RPS9: variants seen among roughly 807,000 people sequenced by gnomAD.
RPS9 encodes the protein small ribosomal subunit protein uS4.
In RPS9, 1 loss-of-function variant was observed where a neutral mutation model predicts 16.9. The ratio of observed to expected loss-of-function variants is 0.06; its 90% CI spans 0.02 to 0.28. The LOEUF (loss-of-function observed/expected upper bound fraction) is 0.28. RPS9 is among the 10% of genes least tolerant of loss of function. RPS9 has a pLI of 1.00. For synonymous variants in RPS9, 106 were observed against 110.9 expected (o/e 0.96, Z 0.28); for missense variants, 137 against 273.2 (o/e 0.50, Z 3.51).
Position 54,206,158 on chromosome 19 carries a change from C to T in RPS9, c.221-118C>T, listed in dbSNP as rs1383818826. On this transcript the variant is annotated intron_variant, in intron 3 of 4. Coordinates refer to ENST00000302907, the MANE Select transcript of RPS9 (RefSeq NM_001013.4). ...AGTGACATGGGTCACGGTGATGGCG[C>T]TGTACTACTTGTGCCTCACCGCCGC... 7.3e-6 allele frequency: 7 copies of T among 962,444 alleles called. No individual in the cohort carries two copies. In the Admixed American group the frequency reaches 1.7e-4, roughly 24 times the overall value. 59.6% of individuals were successfully genotyped at this position (962,444 alleles called of 1,614,324 possible). A position where few individuals can be genotyped will look rare whatever the true frequency, so the allele number is the denominator to read the frequency against.
chr19:54,202,762 C>T (rs2077103568), intron 3 of RPS9: 2 of 985,454 alleles, frequency 2.0e-6, no homozygotes, highest in Non-Finnish European at 1.2e-6. Context: ...TGAGCCCTGA[C>T]TGTTAGGCAT....
chr19:54,201,033 C>A (rs1052950813), intron 1 of RPS9, 127 bp from the exon 2 acceptor site: 1 of 1,468,578 alleles, frequency 6.8e-7, no homozygotes, highest in African/African-American at 1.4e-5. Context: ...GGGGCAGATA[C>A]TGACTATGAG....
chr19:54,200,907 C>CT lies in RPS9; in HGVS notation c.-26+24dup. On this transcript the variant is annotated intron_variant, in intron 1 of 4. Transcript: ENST00000302907. ...TGCTTAGGTGAGGTGCGGTGGTGTG[C>CT]TTTTTCTCTAGGGTTTGGGTTGGAT... 1 of 1,185,122 alleles carries CT rather than the reference C, an allele frequency of 8.4e-7. No individual in the cohort carries two copies. Among genetic ancestry groups the CT allele is most frequent in the Non-Finnish European group, 1.1e-6 (1 of 948,540 alleles). The allele number at this position is 1,185,122 out of a possible 1,614,324, so 73.4% of individuals were successfully genotyped here.
chr19:54,204,227 A>G (rs1299536577), intron 3 of RPS9, among the ~76,000 whole-genome samples: 1 of 152,148 alleles, frequency 6.6e-6, no homozygotes, highest in Non-Finnish European at 1.5e-5. Context: ...TACTGAAAAA[A>G]TACAAAATTA....
At chr19:54,205,606 T>C (rs1352149738) in intron 3 of RPS9, among the ~76,000 whole-genome samples, 1 of 152,164 alleles carries the variant, frequency 6.6e-6, no homozygotes, top group Non-Finnish European at 1.5e-5. Context: ...TCTTCAGCAC[T>C]GTGCTTTGTT....
intron 3 of RPS9, 93 bp downstream of exon 3, chr19:54,201,702 T>G: frequency 1.3e-6 from 2 of 1,557,774 alleles, no homozygotes; most frequent in Non-Finnish European, 8.7e-7. Flanking sequence ...ATGAGAGTTG[T>G]GTCATTGGAT....
At position 54,200,862 on chromosome 19, in the gene RPS9, TTCTC is replaced by T; in HGVS notation, c.-51_-48del. ...GCAGCCGTGGCGCTTCCGCGCCTCT[TTCTC>T]AGTGACCGGGTGGTTTGCTTAGGTG... On this transcript the variant is annotated 5_prime_UTR_variant, in exon 1 of 5. Coordinates refer to ENST00000302907, the MANE Select transcript of RPS9 (RefSeq NM_001013.4). 9.1e-7 allele frequency: 1 copy of T among 1,104,306 alleles called. No homozygotes were observed. The highest frequency in any genetic ancestry group is 8.0e-5 in the East Asian group (1 of 12,506). 68.4% of individuals were successfully genotyped at this position (1,104,306 alleles called of 1,614,324 possible).
At chr19:54,203,582 G>A (rs1470891546) in intron 3 of RPS9, among the ~76,000 whole-genome samples, 1 of 152,088 alleles carries the variant, frequency 6.6e-6, no homozygotes, top group East Asian at 1.9e-4. Flanking sequence ...AGACCAGCCT[G>A]GCCAACGTGG....
intron 3 of RPS9, among the ~76,000 whole-genome samples, chr19:54,205,238 C>T (rs1228363037): frequency 2.0e-5 from 3 of 151,824 alleles, no homozygotes; most frequent in African/African-American, 7.3e-5. Context: ...GGCGTTTGCC[C>T]CCAGGGCCCT....
At chr19:54,205,082 C>A (rs892805838) in intron 3 of RPS9, among the ~76,000 whole-genome samples, 1 of 152,120 alleles carries the variant, frequency 6.6e-6, no homozygotes, top group African/African-American at 2.4e-5. Flanking sequence ...TGAAAGCTTG[C>A]TTGAATGGTT....
intron 3 of RPS9, chr19:54,203,253 C>T (rs2077122927): frequency 1.0e-6 from 1 of 984,730 alleles, no homozygotes; most frequent in Non-Finnish European, 1.2e-6. Context: ...GTGAAAATTC[C>T]CAAGGGGTAC....
intron 4 of RPS9, 111 bp downstream of exon 4, chr19:54,206,573 G>A: frequency 6.4e-7 from 1 of 1,557,616 alleles, no homozygotes; most frequent in Non-Finnish European, 8.7e-7. Flanking sequence ...TGATGGGTGT[G>A]AACTCACCCA....
At chr19:54,203,702 CAG>C (rs757097109) in intron 3 of RPS9, among the ~76,000 whole-genome samples, 2 of 151,966 alleles carry the variant, frequency 1.3e-5, no homozygotes, top group South Asian at 2.1e-4. Context: ...ACCTGGGAGA[CAG>C]AGACTGCAGT....
Position 54,200,972 on chromosome 19 carries a change from G to A in RPS9, c.-26+84G>A, listed in dbSNP as rs1461443213. 1.6e-5 allele frequency: 23 copies of A among 1,422,658 alleles called. No homozygotes were observed. In the South Asian group the frequency reaches 1.8e-4, roughly 11 times the overall value. 88.1% of individuals were successfully genotyped at this position (1,422,658 alleles called of 1,614,324 possible). ...TCCGAGTTTCCATGAGTAAGCTAAA[G>A]ACGTTAGGAAACAGAGCAGGGTGGT... On this transcript the variant is annotated intron_variant, in intron 1 of 4. Transcript: ENST00000302907.
chr19:54,206,020 G>C (rs2077228155), intron 3 of RPS9, among the ~76,000 whole-genome samples: 1 of 152,202 alleles, frequency 6.6e-6, no homozygotes, highest in South Asian at 2.1e-4. Flanking sequence ...CTTTCGCCAT[G>C]TTGGCCGGGC....
In RPS9 at chr19:54,206,259, C is replaced by G. The variant is rs369499607; in HGVS notation, c.221-17C>G. On this transcript the variant is annotated splice_polypyrimidine_tract_variant and intron_variant, in intron 3 of 4. Coordinates refer to ENST00000302907, the MANE Select transcript of RPS9 (RefSeq NM_001013.4). ...AGGTCAGAAGGCGGAATCAGTGTTT[C>G]CTCCCACTCTTCCCAGGCAACGCCC... The G allele has an allele frequency of 6.2e-7, 1 of 1,608,548 alleles. No homozygotes were observed. The highest frequency in any genetic ancestry group is 1.3e-5 in the African/African-American group (1 of 74,948).
intron 3 of RPS9, among the ~76,000 whole-genome samples, chr19:54,204,648 A>G (rs998910472): frequency 6.6e-6 from 1 of 152,162 alleles, no homozygotes; most frequent in African/African-American, 2.4e-5. Flanking sequence ...TTCTGGACTC[A>G]ACTGATCCTC....
Position 54,203,161 on chromosome 19 carries a change from A to T in RPS9, c.220+1552A>T, listed in dbSNP as rs993022873. 1.3e-5 allele frequency: 12 copies of T among 928,162 alleles called. No homozygotes were observed. The Admixed American group carries it at 1.9e-4, about 14-fold the overall frequency. 57.5% of individuals were successfully genotyped at this position (928,162 alleles called of 1,614,324 possible). On this transcript the variant is annotated intron_variant, in intron 3 of 4. Transcript: ENST00000302907. ...TTTAGGGAGGACTTTCTGGACATAG[A>T]TCCTAATTGCAATGAAACTTACAGT...
intron 2 of RPS9, 26 bp from the exon 3 acceptor site, chr19:54,201,461 C>T (rs201777050): frequency 5.6e-5 from 91 of 1,613,826 alleles, no homozygotes; most frequent in Non-Finnish European, 7.1e-5. Context: ...TGGGACTACA[C>T]TTGTCCACCC....
Sources: gnomAD v4.1 joint callset for allele counts (sites outside exome capture counted in the v4.1 genomes callset) on GRCh38, gnomAD v4.1.1 for gene constraint, MANE v1.5 for transcripts, NCBI Gene and HGNC (gene_info 2026-07-23, HGNC 2026-07-21) for gene names.